KGD4: variants seen among roughly 807,000 people sequenced by gnomAD.
KGD4 encodes the protein alpha-ketoglutarate dehydrogenase subunit 4, also known as alpha-ketoglutarate dehydrogenase component 4.
At chr5:69,225,232 G>T in the KGD4 span, among the ~76,000 whole-genome samples, 1 of 148,822 alleles carries the variant, frequency 6.7e-6, no homozygotes, top group African/African-American at 2.5e-5. Flanking sequence ...AGCCTCCCAA[G>T]TAGCTGGAAC....
chr5:69,220,065 AT>A, the KGD4 span, among the ~76,000 whole-genome samples: 1 of 152,062 alleles, frequency 6.6e-6, no homozygotes, highest in Non-Finnish European at 1.5e-5. Context: ...CCCCATCTCT[AT>A]AAAAATTTTA....
the KGD4 span, among the ~76,000 whole-genome samples, chr5:69,222,045 C>T: frequency 1.3e-5 from 1 of 78,934 alleles, no homozygotes; most frequent in South Asian, 4.6e-4. Context: ...TATTTACATG[C>T]CTATACAGTT....
the KGD4 span, among the ~76,000 whole-genome samples, chr5:69,218,470 A>ATGTGTGTGTGTGTGTGTGTG: frequency 3.3e-3 from 486 of 148,610 alleles, 5 homozygotes; most frequent in African/African-American, 0.01. Flanking sequence ...GTGTATATTA[A>ATGTGTGTGTGTGTGTGTGTG]TGTGTGTGTG....
the KGD4 span, among the ~76,000 whole-genome samples, chr5:69,220,908 C>G: frequency 6.6e-5 from 10 of 152,118 alleles, no homozygotes; most frequent in Non-Finnish European, 1.3e-4. Context: ...CTCTCTGAAA[C>G]GTGCTGTGTC....
the KGD4 span, chr5:69,217,980 C>T: frequency 1.3e-6 from 2 of 1,577,768 alleles, no homozygotes; most frequent in African/African-American, 1.4e-5. Flanking sequence ...GTGACCGCGC[C>T]TCTGCGGAGG....
the KGD4 span, among the ~76,000 whole-genome samples, chr5:69,226,130 T>G: frequency 6.6e-6 from 1 of 152,242 alleles, no homozygotes; most frequent in African/African-American, 2.4e-5. Context: ...GATAGTACAA[T>G]GAAGTCTTGT....
At chr5:69,224,766 A>G in the KGD4 span, among the ~76,000 whole-genome samples, 5 of 152,002 alleles carry the variant, frequency 3.3e-5, no homozygotes, top group African/African-American at 7.2e-5. Flanking sequence ...CTGTCTCAAC[A>G]AAAAATTTAA....
the KGD4 span, among the ~76,000 whole-genome samples, chr5:69,224,545 T>C: frequency 2.6e-5 from 4 of 152,368 alleles, no homozygotes; most frequent in Admixed American, 2.0e-4. Flanking sequence ...ATTTTCAAAA[T>C]GATTGTTTTT....
At chr5:69,226,056 G>T in the KGD4 span, among the ~76,000 whole-genome samples, 2 of 152,154 alleles carry the variant, frequency 1.3e-5, no homozygotes, top group African/African-American at 4.8e-5. Context: ...CAATCTATAA[G>T]TCATGCAACA....
chr5:69,227,087 G>C, the KGD4 span, among the ~76,000 whole-genome samples: 3 of 152,010 alleles, frequency 2.0e-5, no homozygotes, highest in African/African-American at 7.2e-5. Flanking sequence ...GCCTAGGCTG[G>C]TCTCGACTCC....
the KGD4 span, among the ~76,000 whole-genome samples, chr5:69,223,148 G>C: frequency 2.3e-5 from 3 of 128,508 alleles, no homozygotes; most frequent in East Asian, 7.1e-4. Flanking sequence ...GCACAATCTC[G>C]GCTCACTGCA....
At chr5:69,217,766 G>T in the KGD4 span, 1 of 1,610,712 alleles carries the variant, frequency 6.2e-7, no homozygotes, top group Non-Finnish European at 8.5e-7. Flanking sequence ...GCCCACAGCT[G>T]CCCGGGACTC....
At chr5:69,227,551 ATTTTATAGGTATAT>A in the KGD4 span, among the ~76,000 whole-genome samples, 1 of 152,160 alleles carries the variant, frequency 6.6e-6, no homozygotes, top group East Asian at 1.9e-4. Context: ...ATTTTAACAC[ATTTTATAGGTATAT>A]TTTTAACTTA....
the KGD4 span, chr5:69,229,121 G>T: frequency 2.4e-4 from 272 of 1,115,186 alleles, 4 homozygotes; most frequent in South Asian, 3.2e-3. Flanking sequence ...ACTTACTGAA[G>T]ATTGTATAAA....
chr5:69,217,770 G>A, the KGD4 span: 2 of 1,611,532 alleles, frequency 1.2e-6, no homozygotes, highest in Non-Finnish European at 1.7e-6. Flanking sequence ...ACAGCTGCCC[G>A]GGACTCCAGT....
the KGD4 span, among the ~76,000 whole-genome samples, chr5:69,221,011 C>T: frequency 6.6e-6 from 1 of 152,116 alleles, no homozygotes; most frequent in Non-Finnish European, 1.5e-5. Flanking sequence ...CATCACCACT[C>T]CCTAATCTCA....
At chr5:69,219,473 A>G in the KGD4 span, among the ~76,000 whole-genome samples, 61 of 152,246 alleles carry the variant, frequency 4.0e-4, no homozygotes, top group Non-Finnish European at 7.5e-4. Context: ...GATAGCCCCC[A>G]AACCACAAAC....
the KGD4 span, among the ~76,000 whole-genome samples, chr5:69,218,547 G>A: frequency 6.6e-6 from 1 of 151,740 alleles, no homozygotes; most frequent in Non-Finnish European, 1.5e-5. Flanking sequence ...TAGATAGACA[G>A]CTAAAGTAAC....
the KGD4 span, chr5:69,229,122 A>G: frequency 8.9e-7 from 1 of 1,122,710 alleles, no homozygotes; most frequent in African/African-American, 1.5e-5. Flanking sequence ...CTTACTGAAG[A>G]TTGTATAAAT....
Sources: allele counts gnomAD v4.1 joint callset (sites outside exome capture counted in the v4.1 genomes callset), GRCh38; gene constraint gnomAD v4.1.1; transcripts MANE v1.5; gene names NCBI Gene and HGNC (gene_info 2026-07-23, HGNC 2026-07-21).